The following BTG4 variants were observed in gnomAD, a reference collection of about 807,000 sequenced individuals.
The protein encoded by BTG4 is protein BTG4.
In BTG4, 10 loss-of-function variants were observed where a neutral mutation model predicts 19.3. That is an observed-to-expected ratio of 0.52 (90% CI 0.32 to 0.88). BTG4 has a LOEUF of 0.88. BTG4 is among the 40% of genes least tolerant of loss of function. The probability of loss-of-function intolerance (pLI) is 0.04; values close to 1 mark genes in which losing one functional copy is unlikely to be tolerated. For missense variants in BTG4, 238 were observed against 281.9 expected (o/e 0.84, Z 1.11); for synonymous variants, 91 against 95.7 (o/e 0.95, Z 0.29).
the BTG4 span, chr11:111,451,237 C>G: frequency 9.7e-6 from 3 of 308,258 alleles, no homozygotes; most frequent in Non-Finnish European, 2.1e-5. Context: ...CCTCCTTTCT[C>G]TCTCCTCAGG....
intron 1 of BTG4, among the ~76,000 whole-genome samples, chr11:111,506,058 C>T (rs1290188753): frequency 3.3e-5 from 5 of 152,164 alleles, no homozygotes; most frequent in African/African-American, 7.2e-5. Flanking sequence ...CTATGGAAAA[C>T]GGTATAGCGA....
chr11:111,464,274 C>T (rs1466825663), downstream of BTG4, among the ~76,000 whole-genome samples: 1 of 152,232 alleles, frequency 6.6e-6, no homozygotes, highest in African/African-American at 2.4e-5. Flanking sequence ...GCTGGCATTA[C>T]AGGCATGAGC....
At chr11:111,498,316 C>T (rs138512236) in intron 2 of BTG4, among the ~76,000 whole-genome samples, 181 bp from the exon 3 acceptor site, 1 of 152,286 alleles carries the variant, frequency 6.6e-6, no homozygotes, top group African/African-American at 2.4e-5. Context: ...GATACAGTGG[C>T]TCAGAATGTA....
At chr11:111,467,452 C>T (rs371213110), downstream of BTG4, 42 of 489,668 alleles carry the variant, frequency 8.6e-5, no homozygotes, top group South Asian at 1.6e-3. Flanking sequence ...AATTAATGCC[C>T]CAATGCATTT....
the BTG4 span, among the ~76,000 whole-genome samples, chr11:111,423,559 A>C: frequency 3.3e-5 from 5 of 152,288 alleles, no homozygotes; most frequent in South Asian, 1.0e-3. Context: ...TCCCCAAAGG[A>C]ATTCTTAGAC....
chr11:111,452,732 C>T, the BTG4 span: 2 of 152,188 alleles, frequency 1.3e-5, no homozygotes, highest in Non-Finnish European at 2.9e-5. Flanking sequence ...GGGCTTGAAA[C>T]AAATACATGT....
At chr11:111,412,007 A>T in the BTG4 span, among the ~76,000 whole-genome samples, 1 of 152,208 alleles carries the variant, frequency 6.6e-6, no homozygotes, top group South Asian at 2.1e-4. Flanking sequence ...GCAGACAGAA[A>T]TATGATAAGT....
At chr11:111,407,644 G>A in the BTG4 span, among the ~76,000 whole-genome samples, 12 of 152,300 alleles carry the variant, frequency 7.9e-5, no homozygotes, top group East Asian at 3.9e-4. Context: ...GCACTCCAGC[G>A]TGGGGGACAG....
Position 111,497,260 on chromosome 11 carries a change from T to C in BTG4, c.461A>G (p.Lys154Arg), listed in dbSNP as rs985089305. The C allele has an allele frequency of 5.6e-6, 9 of 1,613,052 alleles. No individual in the cohort carries two copies. The highest frequency in any genetic ancestry group is 7.6e-6 in the Non-Finnish European group (9 of 1,179,598). The change falls in exon 4 of 5, where the codon AAG becomes AGG. Residue 154 changes from lysine (K) to arginine (R), a missense_variant. Lys to Arg is a conservative substitution (Grantham distance 26). Coordinates refer to ENST00000692032, the MANE Select transcript of BTG4 (RefSeq NM_001367975.1). ...GTSCDEESCS[K>R]EPRVIPKVSN... ...GACTTTAGGAATGACACGAGGTTCC[T>C]TGCTACAACTTTCTTCATCGCAGGA...
intron 5 of BTG4, chr11:111,474,953 T>C (rs1291849826): frequency 6.6e-6 from 1 of 152,596 alleles, no homozygotes; most frequent in African/African-American, 2.4e-5. Flanking sequence ...CCTAATCCAG[T>C]CTTTTGCCCA....
chr11:111,441,280 G>C, the BTG4 span, among the ~76,000 whole-genome samples: 1 of 152,110 alleles, frequency 6.6e-6, no homozygotes, highest in South Asian at 2.1e-4. Context: ...TCAGGGCTCT[G>C]GGGAGTAGGG....
Position 111,495,264 on chromosome 11 carries a change from T to G in BTG4, c.561A>C (p.Lys187Asn). The change falls in exon 5 of 5, where the codon AAA (lysine) becomes AAC (asparagine). Residue 187 changes from lysine (K) to asparagine (N), a missense_variant. By Grantham distance (94) the Lys-to-Asn change is moderately conservative (BLOSUM62 0). Coordinates refer to ENST00000692032, the MANE Select transcript of BTG4 (RefSeq NM_001367975.1). ...CAACACGGCCGTCCACCACATTCTT[T>G]TTGCGGGGGATTTGTAACCAAGATT... ...PFQSWLQIPR[K>N]KNVVDGRVGL... is the part of the protein sequence containing the mutation. 1 of 1,611,274 alleles carries G rather than the reference T, an allele frequency of 6.2e-7. No homozygotes were observed. The highest frequency in any genetic ancestry group is 8.5e-7 in the Non-Finnish European group (1 of 1,179,170).
At chr11:111,385,822 A>G in the BTG4 span, 1 of 152,228 alleles carries the variant, frequency 6.6e-6, no homozygotes, top group Non-Finnish European at 1.5e-5. Context: ...CCAAAAATCT[A>G]GAGTGATGTT....
At chr11:111,514,695 C>A (rs1396589516), upstream of BTG4, 38 of 996,482 alleles carry the variant, frequency 3.8e-5, no homozygotes, top group Non-Finnish European at 2.9e-6. Flanking sequence ...CCGGCAGGGG[C>A]TGGTACCAAC....
chr11:111,454,282 C>A, the BTG4 span: 4 of 456,054 alleles, frequency 8.8e-6, no homozygotes, highest in South Asian at 6.2e-5. Context: ...AGTGGTTTGA[C>A]ACAGAGGCCT....
At chr11:111,426,026 G>A in the BTG4 span, among the ~76,000 whole-genome samples, 35 of 152,120 alleles carry the variant, frequency 2.3e-4, 2 homozygotes, top group South Asian at 6.7e-3. Flanking sequence ...GCCAGACCTC[G>A]TCTCAAAGAA....
At chr11:111,495,448 T>G in intron 4 of BTG4, 134 bp from the exon 5 acceptor site, 1 of 706,978 alleles carries the variant, frequency 1.4e-6, no homozygotes, top group South Asian at 2.2e-5. Flanking sequence ...TAACCATCTT[T>G]GAAAAAAATT....
At chr11:111,510,157 G>T (rs186471202) in intron 1 of BTG4, among the ~76,000 whole-genome samples, 1 of 151,878 alleles carries the variant, frequency 6.6e-6, no homozygotes, top group Non-Finnish European at 1.5e-5. Flanking sequence ...TGATCCGCCC[G>T]CCTTGACCTC....
Position 111,497,385 on chromosome 11 carries a change from A to G in BTG4, c.336T>C (p.Phe112=). The G allele has an allele frequency of 7.2e-7, 1 of 1,383,862 alleles. No individual in the cohort carries two copies. Among genetic ancestry groups the G allele is most frequent in the Non-Finnish European group, 9.4e-7 (1 of 1,063,206 alleles). 85.7% of individuals were successfully genotyped at this position (1,383,862 alleles called of 1,614,324 possible). A position where few individuals can be genotyped will look rare whatever the true frequency, so the allele number is the denominator to read the frequency against. The change falls in exon 4 of 5, where the codon TTT becomes TTC. Residue 112 remains phenylalanine (F), a synonymous_variant. Transcript: ENST00000692032. ...CCRYGEKNHP[F]TVASFKGRWE... ...ATCTGCCTTTAAAAGAAGCAACTGTAAATGGATGGTTTTTCTCACCATACC... is the reference window on the plus strand; with the variant it reads ...ATCTGCCTTTAAAAGAAGCAACTGTGAATGGATGGTTTTTCTCACCATACC...
Sources: allele counts gnomAD v4.1 joint callset (sites outside exome capture counted in the v4.1 genomes callset), GRCh38; gene constraint gnomAD v4.1.1; transcripts MANE v1.5; gene names NCBI Gene and HGNC (gene_info 2026-07-23, HGNC 2026-07-21).